Variants in AR observed in about 807,000 individuals in gnomAD.
The protein encoded by AR is androgen receptor, also known as dihydrotestosterone receptor.
AR carries 8 observed loss-of-function variants against 53.9 expected under a neutral mutation model. The observed-to-expected ratio is 0.15, with a 90% CI of 0.09 to 0.27. The LOEUF (loss-of-function observed/expected upper bound fraction) is 0.27, where lower values mean the gene tolerates loss of function less well. Ranked by LOEUF, AR falls within the 10% of genes least tolerant of loss-of-function variation. The pLI, the probability that AR is intolerant of heterozygous loss-of-function variation, is 1.00. For synonymous variants in AR, 359 were observed against 316.4 expected (o/e 1.13, Z -1.43); for missense variants, 639 against 742.5 (o/e 0.86, Z 1.62).
chrX:67,619,214 A>G (rs1445222221), intron 1 of AR, among the ~76,000 whole-genome samples: 2 of 111,538 alleles, frequency 1.8e-5, no homozygotes, highest in East Asian at 2.8e-4. Context: ...TGTTTTAGAT[A>G]GGATTCCTCT....
At chrX:67,709,422 C>T (rs946841290) in intron 3 of AR, among the ~76,000 whole-genome samples, 4 of 112,393 alleles carry the variant, frequency 3.6e-5, no homozygotes, top group East Asian at 5.6e-4. Flanking sequence ...GCTCCATGGG[C>T]GTGGGACCCT....
intron 1 of AR, among the ~76,000 whole-genome samples, chrX:67,558,886 A>G (rs1354161469): frequency 1.8e-5 from 2 of 112,323 alleles, no homozygotes; most frequent in Non-Finnish European, 3.8e-5. Context: ...TATCATTTCT[A>G]TGTTGTAGAT....
chrX:67,668,292 A>G (rs1202069602), intron 2 of AR, among the ~76,000 whole-genome samples: 2 of 111,950 alleles, frequency 1.8e-5, no homozygotes, highest in African/African-American at 6.5e-5. Context: ...AACTTTATCA[A>G]ATGCTTTTCA....
chrX:67,588,589 C>T (rs899965363), intron 1 of AR, among the ~76,000 whole-genome samples: 1 of 112,132 alleles, frequency 8.9e-6, no homozygotes, highest in African/African-American at 3.2e-5. Context: ...CTTCCAATTT[C>T]ATCTGAATAA....
intron 1 of AR, among the ~76,000 whole-genome samples, chrX:67,616,234 A>C (rs1924111605): frequency 9.0e-6 from 1 of 110,952 alleles, no homozygotes; most frequent in South Asian, 3.8e-4. Flanking sequence ...TCTGGGGTAC[A>C]TGTGCAGAAT....
chrX:67,718,445 A>G (rs1044284670), intron 5 of AR, among the ~76,000 whole-genome samples: 4 of 111,902 alleles, frequency 3.6e-5, no homozygotes, highest in Admixed American at 1.9e-4. Context: ...TTTCTTAGTC[A>G]GCATCTTTGG....
chrX:67,584,526 C>T (rs1027681018), intron 1 of AR, among the ~76,000 whole-genome samples: 1 of 111,722 alleles, frequency 9.0e-6, no homozygotes, highest in Admixed American at 9.5e-5. Context: ...CCTGTTTTGC[C>T]ATTTATAAGA....
At chrX:67,660,927 C>A (rs1602233615) in intron 2 of AR, among the ~76,000 whole-genome samples, 2 of 111,515 alleles carry the variant, frequency 1.8e-5, no homozygotes, top group East Asian at 5.6e-4. Flanking sequence ...AGAGGTCCTT[C>A]AAGTCCCTTG....
intron 2 of AR, among the ~76,000 whole-genome samples, chrX:67,651,924 G>A: frequency 9.0e-6 from 1 of 111,599 alleles, no homozygotes. Context: ...AGAACAGGAA[G>A]CACAACTTAA....
At chrX:67,664,679 G>C (rs187443525) in intron 2 of AR, among the ~76,000 whole-genome samples, 69 of 112,222 alleles carry the variant, frequency 6.1e-4, no homozygotes, top group African/African-American at 2.2e-3. Flanking sequence ...AGAGGTTTCT[G>C]CTGCCTTTTG....
At chrX:67,562,316 A>ACATGGACC (rs1921359814) in intron 1 of AR, among the ~76,000 whole-genome samples, 1 of 108,204 alleles carries the variant, frequency 9.2e-6, no homozygotes, top group African/African-American at 3.4e-5. Flanking sequence ...GAAGTTGTCA[A>ACATGGACC]CATGGACCAT....
intron 1 of AR, among the ~76,000 whole-genome samples, chrX:67,591,338 GA>G (rs909654063): frequency 3.9e-4 from 42 of 107,478 alleles, no homozygotes; most frequent in Non-Finnish European, 7.0e-4. Flanking sequence ...AAAAAGAAGT[GA>G]AAAAAAAAGA....
At chrX:67,667,045 T>C (rs1218160094) in intron 2 of AR, among the ~76,000 whole-genome samples, 2 of 111,385 alleles carry the variant, frequency 1.8e-5, no homozygotes, top group Non-Finnish European at 3.8e-5. Flanking sequence ...AATCACTTGC[T>C]GTGCAGAAGG....
intron 5 of AR, among the ~76,000 whole-genome samples, chrX:67,718,512 C>A (rs1487243830): frequency 2.7e-5 from 3 of 111,753 alleles, no homozygotes; most frequent in Non-Finnish European, 5.6e-5. Flanking sequence ...GATAACAGAA[C>A]CTTCATAAGT....
intron 3 of AR, among the ~76,000 whole-genome samples, chrX:67,691,298 T>C (rs1200804737): frequency 8.9e-6 from 1 of 112,348 alleles, no homozygotes; most frequent in Admixed American, 9.4e-5. Context: ...CCTACCCTCA[T>C]ACCAAAAGCC....
chrX:67,728,825 T>C lies in AR; in HGVS notation c.*4984T>C, dbSNP rs1206530718. The C allele has an allele frequency of 6.2e-6, 1 of 160,612 alleles. No individual in the cohort carries two copies. Among genetic ancestry groups the C allele is most frequent in the Admixed American group, 8.4e-5 (1 of 11,896 alleles). 13.2% of individuals were successfully genotyped at this position (160,612 alleles called of 1,213,427 possible). ...CAGGTCCTGTGAAGGAGCAGAGGGA[T>C]AAAAAGAGTAGAGGACATGATACAT... On this transcript the variant is annotated 3_prime_UTR_variant, in exon 8 of 8. Transcript: ENST00000374690.
chrX:67,613,967 G>A (rs1265311118), intron 1 of AR, among the ~76,000 whole-genome samples: 2 of 112,204 alleles, frequency 1.8e-5, no homozygotes, highest in African/African-American at 6.5e-5. Flanking sequence ...TCCAGTAGTG[G>A]TAAAGGGTGA....
rs2147316088 is a variant in AR at position 67,545,526 on chromosome X, C to G, written c.380C>G (p.Pro127Arg). ...CCGCAGTCGGCCCTGGAGTGCCACCCCGAGAGAGGTTGCGTCCCAGAGCCT... is the reference window on the plus strand; with the variant it reads ...CCGCAGTCGGCCCTGGAGTGCCACCGCGAGAGAGGTTGCGTCCCAGAGCCT... ...SQPQSALECH[P>R]ERGCVPEPGA... The change falls in exon 1 of 8, where the codon CCC (proline) becomes CGC (arginine). Residue 127 changes from proline to arginine, a missense_variant. By Grantham distance (103) the Pro-to-Arg change is moderately radical. Coordinates refer to ENST00000374690, the MANE Select transcript of AR (RefSeq NM_000044.6). 8.4e-7 allele frequency: 1 copy of G among 1,188,078 alleles called. No individual in the cohort carries two copies. The highest frequency in any genetic ancestry group is 1.1e-6 in the Non-Finnish European group (1 of 883,700).
rs770987448 is a variant in AR at position 67,546,098 on chromosome X, A to G, written c.952A>G (p.Lys318Glu). Reference protein sequence around the residue: ...EYSPFKGGYTKGLEGESLGCS... With the variant: ...EYSPFKGGYTEGLEGESLGCS... Reference sequence around the variant, plus strand: ...TTCCCCTTTCAAGGGAGGTTACACCAAAGGGCTAGAAGGCGAGAGCCTAGG... The same window carrying G: ...TTCCCCTTTCAAGGGAGGTTACACCGAAGGGCTAGAAGGCGAGAGCCTAGG... The change falls in exon 1 of 8, where the codon AAA (lysine) becomes GAA (glutamate). Residue 318 changes from lysine (K) to glutamate (E), a missense_variant. Lys to Glu is a moderately conservative substitution (Grantham distance 56, BLOSUM62 1). Around this residue, in one of 5 missense-constraint regions of AR, gnomAD observed 423 missense variants for 377.0 expected, o/e 1.12. Transcript: ENST00000374690. The G allele has an allele frequency of 6.6e-6, 8 of 1,212,258 alleles. No individual in the cohort carries two copies. The Admixed American group carries it at 1.7e-4, about 26-fold the overall frequency.
Sources: gnomAD v4.1 joint callset for allele counts (sites outside exome capture counted in the v4.1 genomes callset) on GRCh38, gnomAD v4.1.1 for gene constraint, gnomAD v4.1.1 regional missense constraint, MANE v1.5 for transcripts, NCBI Gene and HGNC (gene_info 2026-07-23, HGNC 2026-07-21) for gene names.